ERC1: variants seen among roughly 807,000 people sequenced by gnomAD.
ERC1 encodes RAB6 interacting protein 2.
ERC1 carries 56 observed loss-of-function variants against 132.0 expected under a neutral mutation model. The ratio of observed to expected loss-of-function variants is 0.42; its 90% CI spans 0.34 to 0.53. The LOEUF (loss-of-function observed/expected upper bound fraction) is 0.53. Ranked by LOEUF, ERC1 falls within the 20% of genes least tolerant of loss-of-function variation. ERC1 has a pLI of 0.03. For missense variants in ERC1, 1,202 were observed against 1,349.9 expected, an observed-to-expected ratio of 0.89 and a Z score of 1.72; for synonymous variants, 478 against 476.1, an observed-to-expected ratio of 1.00 and a Z score of -0.05.
At chr12:1,155,305 A>G (rs1296162018) in intron 8 of ERC1, among the ~76,000 whole-genome samples, 1 of 133,498 alleles carries the variant, frequency 7.5e-6, no homozygotes, top group Non-Finnish European at 1.6e-5. Flanking sequence ...ACAGGGCGAG[A>G]CTTCATCTCA....
At chr12:1,153,805 A>G (rs1216911877) in intron 8 of ERC1, among the ~76,000 whole-genome samples, 1 of 152,182 alleles carries the variant, frequency 6.6e-6, no homozygotes, top group Non-Finnish European at 1.5e-5. Flanking sequence ...ATTTTGGCCT[A>G]CATAATCACA....
rs190938392 is a variant in ERC1, at chr12:1,154,285, A to G, written c.1737+12498A>G. On this transcript the variant is annotated intron_variant, in intron 8 of 18. Coordinates refer to ENST00000360905, the MANE Select transcript of ERC1 (RefSeq NM_178040.4). Reference sequence around the variant, plus strand: ...TGTATATATACACATATACATGTATATATACACACACACGTGCATATATAT... The same window carrying G: ...TGTATATATACACATATACATGTATGTATACACACACACGTGCATATATAT... Among the ~76,000 whole-genome samples, 605 of 145,812 alleles carry G rather than the reference A, an allele frequency of 4.1e-3. 4 individuals are homozygous for G. Among genetic ancestry groups the G allele is most frequent in the African/African-American group, 0.014 (530 of 38,326 alleles).
intron 13 of ERC1, 23 bp from the exon 14 acceptor site, chr12:1,263,011 C>T (rs200064530): frequency 1.2e-6 from 2 of 1,612,548 alleles, no homozygotes; most frequent in Admixed American, 1.7e-5. Context: ...ATCCACTTCA[C>T]CTAGTCTTCC....
intron 1 of ERC1, among the ~76,000 whole-genome samples, chr12:1,015,181 A>C (rs1965322159): frequency 6.6e-6 from 1 of 150,792 alleles, no homozygotes. Context: ...CAATCCTCTC[A>C]CCTGAGTAAC....
intron 2 of ERC1, among the ~76,000 whole-genome samples, chr12:1,048,424 T>C (rs57177614): frequency 0.014 from 2,101 of 152,308 alleles, 45 homozygotes; most frequent in African/African-American, 0.048. Flanking sequence ...CTGATTTTTT[T>C]CAAAGAGCGA....
At chr12:1,190,234 GC>G in intron 12 of ERC1, 182 bp downstream of exon 12, 1 of 738,418 alleles carries the variant, frequency 1.4e-6, no homozygotes, top group Non-Finnish European at 2.5e-6. Context: ...TGTCTGAAAG[GC>G]AACATAGAAT....
rs544695462 is a variant in ERC1 at position 1,281,690 on chromosome 12, G to A, written c.2620-8162G>A. Among the ~76,000 whole-genome samples, 6 of 152,240 alleles carry A rather than the reference G, an allele frequency of 3.9e-5. No individual in the cohort carries two copies. The South Asian group carries it at 1.2e-3, about 32-fold the overall frequency. Reference sequence around the variant, plus strand: ...AATCTTGGGAGATAAATAATATTTTGCTGTCAAAGCATGATGTAGGCTGAC... The same window carrying A: ...AATCTTGGGAGATAAATAATATTTTACTGTCAAAGCATGATGTAGGCTGAC... On this transcript the variant is annotated intron_variant, in intron 14 of 18. Transcript: ENST00000360905.
chr12:1,472,769 A>G (rs532531618), intron 18 of ERC1, among the ~76,000 whole-genome samples: 8 of 152,346 alleles, frequency 5.3e-5, no homozygotes, highest in African/African-American at 1.9e-4. Context: ...TATGGCTAGC[A>G]TTCACTCAGT....
Position 1,149,200 on chromosome 12 carries a change from G to A in ERC1, c.1737+7413G>A, listed in dbSNP as rs899014229. Among the ~76,000 whole-genome samples, 6 of 151,940 alleles carry A rather than the reference G, an allele frequency of 3.9e-5. No individual in the cohort carries two copies. In the South Asian group the frequency reaches 6.2e-4, roughly 16 times the overall value. ...AGTAATCTTTTTTTCTTGGTAAAACGTGCAGTTTTATGTATTTTTAGGCAG... is the reference window on the plus strand; with the variant it reads ...AGTAATCTTTTTTTCTTGGTAAAACATGCAGTTTTATGTATTTTTAGGCAG... On this transcript the variant is annotated intron_variant, in intron 8 of 18. Coordinates refer to ENST00000360905, the MANE Select transcript of ERC1 (RefSeq NM_178040.4).
intron 1 of ERC1, among the ~76,000 whole-genome samples, chr12:1,009,453 C>T (rs1376995864): frequency 3.3e-5 from 5 of 152,184 alleles, no homozygotes; most frequent in East Asian, 3.9e-4. Flanking sequence ...GGATTACAGG[C>T]GTGAGCCACC....
At chr12:1,264,945 A>G (rs2154327068) in intron 14 of ERC1, among the ~76,000 whole-genome samples, 1 of 152,294 alleles carries the variant, frequency 6.6e-6, no homozygotes. Context: ...ATAGAAAGAT[A>G]TGGTTTCTTT....
At chr12:1,267,825 A>AT (rs1225365975) in intron 14 of ERC1, among the ~76,000 whole-genome samples, 1 of 152,146 alleles carries the variant, frequency 6.6e-6, no homozygotes, top group Non-Finnish European at 1.5e-5. Flanking sequence ...TAAAAGCCCC[A>AT]TTTTTAACAG....
chr12:1,398,700 T>C (rs551564005), intron 16 of ERC1, among the ~76,000 whole-genome samples: 1 of 152,256 alleles, frequency 6.6e-6, no homozygotes, highest in Non-Finnish European at 1.5e-5. Flanking sequence ...GAACAGAAAT[T>C]TATTTTTTCA....
chr12:1,477,866 G>A (rs1351452541), intron 18 of ERC1, among the ~76,000 whole-genome samples: 3 of 152,122 alleles, frequency 2.0e-5, no homozygotes, highest in Admixed American at 2.0e-4. Context: ...ATACTCTATT[G>A]TGTCTGGATT....
intron 16 of ERC1, among the ~76,000 whole-genome samples, chr12:1,374,310 G>T (rs1441975564): frequency 6.6e-6 from 1 of 152,130 alleles, no homozygotes; most frequent in African/African-American, 2.4e-5. Flanking sequence ...AAGAGGTGAA[G>T]CAATGAGGGA....
At chr12:1,200,384 A>T (rs2154282944) in intron 12 of ERC1, among the ~76,000 whole-genome samples, 1 of 152,248 alleles carries the variant, frequency 6.6e-6, no homozygotes, top group Non-Finnish European at 1.5e-5. Flanking sequence ...TTTGAAAAAG[A>T]AAACTTTACT....
At chr12:1,244,327 T>C (rs1358519943) in intron 13 of ERC1, among the ~76,000 whole-genome samples, 1 of 152,190 alleles carries the variant, frequency 6.6e-6, no homozygotes, top group East Asian at 1.9e-4. Context: ...ATGTTTTGTG[T>C]TTTAAATTTC....
intron 18 of ERC1, among the ~76,000 whole-genome samples, chr12:1,469,530 G>A (rs2093813875): frequency 6.6e-6 from 1 of 152,236 alleles, no homozygotes; most frequent in African/African-American, 2.4e-5. Flanking sequence ...TGTGGGCTTC[G>A]CCTCCCCTCC....
chr12:1,180,705 C>A (rs1036114552), intron 9 of ERC1, 28 bp downstream of exon 9: 1 of 1,612,890 alleles, frequency 6.2e-7, no homozygotes, highest in African/African-American at 1.3e-5. Context: ...ACTCTCCACA[C>A]ACGTTTTCTG....
Sources: allele counts gnomAD v4.1 joint callset (sites outside exome capture counted in the v4.1 genomes callset), GRCh38; gene constraint gnomAD v4.1.1; transcripts MANE v1.5; gene names NCBI Gene and HGNC (gene_info 2026-07-23, HGNC 2026-07-21).